P2RY6: variants seen among roughly 807,000 people sequenced by gnomAD.
P2RY6 encodes P2Y purinoceptor 6.
A neutral mutation model predicts 16.3 loss-of-function variants in P2RY6; 19 were observed. The ratio of observed to expected loss-of-function variants is 1.16; its 90% CI spans 0.81 to 1.71. The LOEUF is 1.71. P2RY6 is among the 40% of genes most tolerant of loss of function. P2RY6 has a pLI of 0.00. For synonymous variants in P2RY6, 184 were observed against 201.5 expected (o/e 0.91, Z 0.74); for missense variants, 389 against 455.5 (o/e 0.85, Z 1.33).
intron 1 of P2RY6, among the ~76,000 whole-genome samples, chr11:73,282,594 G>T (rs1346531069): frequency 6.6e-6 from 1 of 152,158 alleles, no homozygotes; most frequent in Non-Finnish European, 1.5e-5. Flanking sequence ...AGGGAGCCTT[G>T]CTTGATACCA....
At chr11:73,270,476 T>G (rs1037351452), upstream of P2RY6, among the ~76,000 whole-genome samples, 1 of 152,136 alleles carries the variant, frequency 6.6e-6, no homozygotes, top group Non-Finnish European at 1.5e-5. Context: ...GGCTCACCCC[T>G]GAACCTACCT....
At position 73,296,505 on chromosome 11, in the gene P2RY6, C is replaced by A. The variant is rs754799612; in HGVS notation, c.-14C>A. The stretch of plus-strand genomic sequence containing the variant: ...CCCAGCCTCCCTGAACATAGGAAAC[C>A]CACCTGGGCAGCCATGGAATGGGAC... On this transcript the variant is annotated 5_prime_UTR_variant, in exon 3 of 3. Coordinates refer to ENST00000540124, the MANE Select transcript of P2RY6 (RefSeq NM_001277204.2). 6.2e-7 allele frequency: 1 copy of A among 1,608,970 alleles called. No homozygotes were observed. Among genetic ancestry groups the A allele is most frequent in the Admixed American group, 1.7e-5 (1 of 59,922 alleles).
At chr11:73,274,522 A>G (rs892241461) in intron 1 of P2RY6, among the ~76,000 whole-genome samples, 2 of 148,524 alleles carry the variant, frequency 1.3e-5, no homozygotes, top group African/African-American at 2.6e-5. Context: ...AGCCTGGGTG[A>G]CAAGAGCGAG....
intron 1 of P2RY6, among the ~76,000 whole-genome samples, chr11:73,266,641 T>C (rs1041937072): frequency 6.6e-6 from 1 of 152,182 alleles, no homozygotes; most frequent in Non-Finnish European, 1.5e-5. Context: ...GTTGACTTCA[T>C]TGAGTCAGTT....
At chr11:73,290,319 GAAAGAAA>G (rs1864168198) in intron 1 of P2RY6, among the ~76,000 whole-genome samples, 1 of 110,778 alleles carries the variant, frequency 9.0e-6, no homozygotes, top group South Asian at 2.6e-4. Context: ...AAGAAAGAAA[GAAAGAAA>G]GAAAGAAAGA....
At chr11:73,268,367 T>C (rs1863174817), upstream of P2RY6, among the ~76,000 whole-genome samples, 1 of 152,164 alleles carries the variant, frequency 6.6e-6, no homozygotes, top group African/African-American at 2.4e-5. Flanking sequence ...CTCACGTTTG[T>C]GATCCCAAAA....
At chr11:73,277,084 T>A (rs532401569) in intron 1 of P2RY6, among the ~76,000 whole-genome samples, 3 of 151,890 alleles carry the variant, frequency 2.0e-5, no homozygotes, top group Admixed American at 6.6e-5. Context: ...GTTGGCCCAC[T>A]GCATCACTGC....
intron 1 of P2RY6, among the ~76,000 whole-genome samples, chr11:73,292,303 A>G (rs896769546): frequency 6.6e-6 from 1 of 152,116 alleles, no homozygotes; most frequent in Admixed American, 6.5e-5. Context: ...AAGCGGGGGG[A>G]GAAGGCGGCT....
At chr11:73,289,988 G>A (rs539126489) in intron 1 of P2RY6, among the ~76,000 whole-genome samples, 33 of 152,216 alleles carry the variant, frequency 2.2e-4, no homozygotes, top group African/African-American at 7.5e-4. Flanking sequence ...TCGCGAGGCC[G>A]AGGCAGGTGG....
chr11:73,293,040 A>C, intron 1 of P2RY6: 1 of 440,054 alleles, frequency 2.3e-6, no homozygotes, highest in Non-Finnish European at 3.0e-6. Flanking sequence ...CATTGACTTA[A>C]AGGAGGGCCA....
At chr11:73,266,106 G>A (rs1446505174) in intron 1 of P2RY6, among the ~76,000 whole-genome samples, 1 of 152,202 alleles carries the variant, frequency 6.6e-6, no homozygotes, top group Non-Finnish European at 1.5e-5. Context: ...CACAGAGCCA[G>A]TGATTCCAAT....
chr11:73,271,236 G>T (rs895425699), upstream of P2RY6, among the ~76,000 whole-genome samples: 2 of 152,162 alleles, frequency 1.3e-5, no homozygotes, highest in Non-Finnish European at 2.9e-5. Context: ...ATGGATTGGC[G>T]CTGGGGAGGG....
chr11:73,273,741 T>C (rs1171694202), intron 1 of P2RY6, among the ~76,000 whole-genome samples: 2 of 152,208 alleles, frequency 1.3e-5, no homozygotes, highest in African/African-American at 4.8e-5. Context: ...GAAGCTTGCC[T>C]GGCTTCTCTG....
chr11:73,297,208 C>T lies in P2RY6; in HGVS notation c.690C>T (p.Ala230=), dbSNP rs149089615. 1.2e-6 allele frequency: 2 copies of T among 1,603,410 alleles called. No individual in the cohort carries two copies. Among genetic ancestry groups the T allele is most frequent in the Non-Finnish European group, 1.7e-6 (2 of 1,179,502 alleles). The stretch of plus-strand genomic sequence containing the variant: ...AGGATGGCCCGGCAGAGCCTGTGGC[C>T]CAGGAGCGGCGTGGCAAGGCGGCCC... ...CRQDGPAEPV[A]QERRGKAARM... is the part of the protein sequence containing the mutation. Residue 230 remains alanine, a synonymous_variant, in exon 3 of 3, where the codon GCC becomes GCT. Coordinates refer to ENST00000540124, the MANE Select transcript of P2RY6 (RefSeq NM_001277204.2).
intron 1 of P2RY6, among the ~76,000 whole-genome samples, chr11:73,295,500 A>C (rs1317088146): frequency 6.6e-6 from 1 of 152,136 alleles, no homozygotes; most frequent in Non-Finnish European, 1.5e-5. Context: ...CTCTGCTCTG[A>C]GTCACGAAGA....
chr11:73,297,216 G>A lies in P2RY6; in HGVS notation c.698G>A (p.Arg233Gln), dbSNP rs138593381. ...CCGGCAGAGCCTGTGGCCCAGGAGCGGCGTGGCAAGGCGGCCCGCATGGCC... is the reference window on the plus strand; with the variant it reads ...CCGGCAGAGCCTGTGGCCCAGGAGCAGCGTGGCAAGGCGGCCCGCATGGCC... ...DGPAEPVAQERRGKAARMAVV... is the reference protein window; with the variant it reads ...DGPAEPVAQEQRGKAARMAVV... Residue 233 changes from arginine (R) to glutamine (Q), a missense_variant, in exon 3 of 3, where the codon CGG (arginine) becomes CAG (glutamine). By Grantham distance (43) the Arg-to-Gln change is conservative. Transcript: ENST00000540124. 5.6e-5 allele frequency: 90 copies of A among 1,602,834 alleles called. No individual in the cohort carries two copies. Among genetic ancestry groups the A allele is most frequent in the African/African-American group, 3.2e-4 (24 of 74,930 alleles).
At chr11:73,279,093 C>T (rs938337425) in intron 1 of P2RY6, among the ~76,000 whole-genome samples, 1 of 147,942 alleles carries the variant, frequency 6.8e-6, no homozygotes, top group Non-Finnish European at 1.5e-5. Context: ...GAAGTGTTAT[C>T]GCATGGTTTT....
intron 1 of P2RY6, among the ~76,000 whole-genome samples, chr11:73,287,534 A>G (rs1036459521): frequency 6.6e-6 from 1 of 152,228 alleles, no homozygotes; most frequent in African/African-American, 2.4e-5. Flanking sequence ...AAGAAGCTAC[A>G]GAGGGGCTGA....
Position 73,295,786 on chromosome 11 carries a change from G to A in P2RY6, c.-64G>A. ...TTTGGAAGGCGGAGTTCAGGCTGAG[G>A]AGATGGGTGCGGTCCTCAGTGAGCC... is the stretch of plus-strand genomic sequence containing the variant. On this transcript the variant is annotated 5_prime_UTR_variant, in exon 2 of 3. Transcript: ENST00000540124. 1.0e-6 allele frequency: 1 copy of A among 985,356 alleles called. No individual in the cohort carries two copies. Among genetic ancestry groups the A allele is most frequent in the Non-Finnish European group, 1.2e-6 (1 of 829,878 alleles). The allele number at this position is 985,356 out of a possible 1,614,324, so 61.0% of individuals were successfully genotyped here.
Sources: gnomAD v4.1 joint callset for allele counts (sites outside exome capture counted in the v4.1 genomes callset) on GRCh38, gnomAD v4.1.1 for gene constraint, MANE v1.5 for transcripts, NCBI Gene and HGNC (gene_info 2026-07-23, HGNC 2026-07-21) for gene names.